The following FANCD2OS variants were observed in gnomAD, a reference collection of about 807,000 sequenced individuals.
The protein encoded by FANCD2OS is FANCD2 opposite strand protein.
Under a neutral mutation model 13.2 loss-of-function variants are expected in FANCD2OS, and 11 were observed. The ratio of observed to expected loss-of-function variants is 0.83; its 90% CI spans 0.52 to 1.38. FANCD2OS has a LOEUF of 1.38. FANCD2OS is among the 40% of genes most tolerant of loss of function. FANCD2OS has a pLI of 0.00. For synonymous variants in FANCD2OS, 69 were observed against 84.5 expected, an observed-to-expected ratio of 0.82 and a Z score of 1.01; for missense variants, 217 against 213.9, an observed-to-expected ratio of 1.01 and a Z score of -0.09.
At chr3:10,094,765 G>C (rs900024260) in intron 2 of FANCD2OS, 2 of 315,914 alleles carry the variant, frequency 6.3e-6, no homozygotes, top group Admixed American at 9.2e-5. Context: ...GAACAGTCTT[G>C]ACAGTTTTTT....
chr3:10,085,394 C>CTT (rs1242296810), intron 2 of FANCD2OS, among the ~76,000 whole-genome samples: 2,641 of 136,864 alleles, frequency 0.019, 103 homozygotes, highest in African/African-American at 0.067. Flanking sequence ...TTTTTTCTTT[C>CTT]TTTTTTTTTT....
chr3:10,098,936 C>T (rs764865805), downstream of FANCD2OS: 7 of 1,614,202 alleles, frequency 4.3e-6, no homozygotes, highest in East Asian at 8.9e-5. Flanking sequence ...ATGCCCATTT[C>T]CATTCCCTCC....
At chr3:10,096,587 C>CT in intron 2 of FANCD2OS, 1 of 968,384 alleles carries the variant, frequency 1.0e-6, no homozygotes, top group South Asian at 1.3e-5. Context: ...CTACTTTTCT[C>CT]TTAAGTCTGT....
intron 2 of FANCD2OS, among the ~76,000 whole-genome samples, chr3:10,087,443 T>C (rs891504661): frequency 6.6e-6 from 1 of 152,018 alleles, no homozygotes; most frequent in African/African-American, 2.4e-5. Flanking sequence ...TGATTTCTGC[T>C]AAAATTGCTT....
At chr3:10,084,690 GC>G (rs1287058979) in intron 2 of FANCD2OS, among the ~76,000 whole-genome samples, 1 of 152,126 alleles carries the variant, frequency 6.6e-6, no homozygotes, top group African/African-American at 2.4e-5. Flanking sequence ...CACCTAATAG[GC>G]CCTCAGAATA....
chr3:10,090,442 GATTTT>G, intron 2 of FANCD2OS: 4 of 411,126 alleles, frequency 9.7e-6, no homozygotes, highest in Non-Finnish European at 1.3e-5. Flanking sequence ...GGAAGTTGCT[GATTTT>G]TTTTTTTTTT....
intron 1 of FANCD2OS, among the ~76,000 whole-genome samples, chr3:10,107,413 G>A (rs62245547): frequency 6.6e-6 from 1 of 151,652 alleles, no homozygotes; most frequent in African/African-American, 2.4e-5. Flanking sequence ...TCAGCCTCCC[G>A]TAGCTGGGAC....
rs1559415011 is a variant in FANCD2OS, at chr3:10,105,765, A to T, written c.-8-983T>A. On this transcript the variant is annotated intron_variant, in intron 1 of 1. Transcript: ENST00000450660. ...GACTCCATCTAAAAAAAAAAAAAAA[A>T]AAAAAATTATATATATATATATATA... is the stretch of plus-strand genomic sequence containing the variant. Among the ~76,000 whole-genome samples the T allele has an allele frequency of 3.7e-3, 234 of 62,632 alleles. 7 individuals carry two copies. Among genetic ancestry groups the T allele is most frequent in the African/African-American group, 0.017 (166 of 9,522 alleles). The allele number at this position is 62,632 out of a possible 152,430, so 41.1% of individuals were successfully genotyped here.
At chr3:10,087,317 A>G (rs2125073512) in intron 2 of FANCD2OS, 2 of 1,515,668 alleles carry the variant, frequency 1.3e-6, no homozygotes, top group South Asian at 1.2e-5. Context: ...TAGGACTAAT[A>G]TCTCACACTT....
rs755725087 is a variant in FANCD2OS at position 10,088,553 on chromosome 3, T to C, written c.*44-7022A>G. The C allele has an allele frequency of 4.8e-5, 75 of 1,570,988 alleles. 1 individual carries two copies. In the South Asian group the frequency reaches 8.2e-4, roughly 17 times the overall value. On this transcript the variant is annotated intron_variant, in intron 2 of 2. Transcript: ENST00000524279. ...CCATGCTCTGCTCTGGTGAGATGTTTGGTTTCTTCCAATGAGCCAAATAGC... is the reference window on the plus strand; with the variant it reads ...CCATGCTCTGCTCTGGTGAGATGTTCGGTTTCTTCCAATGAGCCAAATAGC...
chr3:10,090,748 G>C (rs1168536169), intron 2 of FANCD2OS, among the ~76,000 whole-genome samples: 3 of 152,216 alleles, frequency 2.0e-5, no homozygotes, highest in African/African-American at 4.8e-5. Flanking sequence ...GTGCGCCACT[G>C]CGCCCGGTGG....
intron 1 of FANCD2OS, among the ~76,000 whole-genome samples, chr3:10,105,525 C>T (rs1045256598): frequency 5.3e-5 from 8 of 151,254 alleles, no homozygotes; most frequent in Admixed American, 1.3e-4. Context: ...CTGAGGCGGG[C>T]GGATCACTTG....
chr3:10,083,504 A>G (rs955069776), intron 2 of FANCD2OS: 1 of 152,130 alleles, frequency 6.6e-6, no homozygotes, highest in African/African-American at 2.4e-5. Flanking sequence ...ATATTGGGAA[A>G]TAGTTTGGTA....
intron 1 of FANCD2OS, 72 bp from the exon 2 acceptor site, chr3:10,104,854 CATCTCTGTCTCACT>C: frequency 7.3e-7 from 1 of 1,364,538 alleles, no homozygotes; most frequent in Non-Finnish European, 9.9e-7. Context: ...TTCAAATTCC[CATCTCTGTCTCACT>C]ATAGACATAA....
intron 2 of FANCD2OS, chr3:10,093,359 C>T (rs374194873): frequency 7.1e-6 from 11 of 1,550,792 alleles, no homozygotes; most frequent in Non-Finnish European, 9.8e-6. Context: ...CATATTTATT[C>T]TTCCTGTGGA....
At chr3:10,082,114 A>G (rs1693877678) in intron 2 of FANCD2OS, among the ~76,000 whole-genome samples, 1 of 152,200 alleles carries the variant, frequency 6.6e-6, no homozygotes, top group Admixed American at 6.5e-5. Context: ...TCCACATCCA[A>G]AATGGAATAT....
intron 1 of FANCD2OS, among the ~76,000 whole-genome samples, chr3:10,107,310 C>T (rs1321840525): frequency 1.3e-5 from 2 of 151,364 alleles, no homozygotes; most frequent in Admixed American, 1.3e-4. Flanking sequence ...TTTTTTGAGA[C>T]AGAGCCTTGC....
At chr3:10,107,183 A>T (rs1165120456) in intron 1 of FANCD2OS, among the ~76,000 whole-genome samples, 2 of 152,196 alleles carry the variant, frequency 1.3e-5, no homozygotes, top group African/African-American at 4.8e-5. Context: ...ACTGTGGTAC[A>T]CCACCATGGC....
intron 2 of FANCD2OS, chr3:10,090,440 CTGATTTT>C: frequency 1.8e-6 from 1 of 552,958 alleles, no homozygotes. Context: ...TTGGAAGTTG[CTGATTTT>C]TTTTTTTTTT....
Sources: allele counts gnomAD v4.1 joint callset (sites outside exome capture counted in the v4.1 genomes callset), GRCh38; gene constraint gnomAD v4.1.1; transcripts MANE v1.5; gene names NCBI Gene and HGNC (gene_info 2026-07-23, HGNC 2026-07-21).